SH3RF1: variants seen among roughly 807,000 people sequenced by gnomAD.
The protein encoded by SH3RF1 is E3 ubiquitin-protein ligase SH3RF1.
SH3RF1 carries 32 observed loss-of-function variants against 74.0 expected under a neutral mutation model. The observed-to-expected ratio is 0.43, with a 90% confidence interval of 0.33 to 0.58. The LOEUF is 0.58. Among genes scored for constraint, SH3RF1 ranks in the 20% least tolerant of loss-of-function variants. SH3RF1 has a pLI of 0.05. For missense variants in SH3RF1, 954 were observed against 1,130.9 expected, an observed-to-expected ratio of 0.84 and a Z score of 2.24; for synonymous variants, 396 against 439.6, an observed-to-expected ratio of 0.90 and a Z score of 1.24.
At chr4:169,112,895 T>C (rs900905087) in intron 10 of SH3RF1, among the ~76,000 whole-genome samples, 6 of 152,132 alleles carry the variant, frequency 3.9e-5, no homozygotes, top group African/African-American at 1.4e-4. Context: ...AAGGATAATC[T>C]TCAGACTGGA....
intron 2 of SH3RF1, among the ~76,000 whole-genome samples, chr4:169,218,293 T>C (rs966878072): frequency 2.3e-5 from 3 of 130,580 alleles, no homozygotes; most frequent in African/African-American, 5.4e-5. Context: ...ATATATAATA[T>C]ATAATATAAA....
intron 10 of SH3RF1, among the ~76,000 whole-genome samples, chr4:169,108,531 AAG>A (rs1285248790): frequency 2.0e-5 from 3 of 152,168 alleles, no homozygotes; most frequent in Non-Finnish European, 2.9e-5. Flanking sequence ...TAGAAATGGG[AAG>A]AGAGGGTGGG....
intron 3 of SH3RF1, 91 bp from the exon 4 acceptor site, chr4:169,155,666 T>C (rs1339264855): frequency 1.1e-6 from 1 of 911,122 alleles, no homozygotes; most frequent in Admixed American, 1.9e-5. Context: ...AAGAGACTCA[T>C]GTTTTAAAGA....
intron 5 of SH3RF1, among the ~76,000 whole-genome samples, chr4:169,133,793 A>G (rs1561032712): frequency 1.3e-5 from 2 of 152,154 alleles, no homozygotes; most frequent in African/African-American, 4.8e-5. Flanking sequence ...AGAAAAGAAA[A>G]GGAAAGGAAA....
intron 5 of SH3RF1, among the ~76,000 whole-genome samples, chr4:169,133,587 G>C (rs1733651275): frequency 6.6e-6 from 1 of 151,766 alleles, no homozygotes; most frequent in South Asian, 2.1e-4. Context: ...AGACCAGCCT[G>C]GCCAACATGG....
At chr4:169,115,540 GGACCATCTAGTT>G (rs1254542317) in intron 10 of SH3RF1, among the ~76,000 whole-genome samples, 1 of 152,024 alleles carries the variant, frequency 6.6e-6, no homozygotes, top group Non-Finnish European at 1.5e-5. Flanking sequence ...TGCCCAGGTG[GGACCATCTAGTT>G]GCAAGAAAAC....
intron 2 of SH3RF1, among the ~76,000 whole-genome samples, chr4:169,267,090 T>C (rs1487858643): frequency 6.6e-6 from 1 of 152,224 alleles, no homozygotes; most frequent in Non-Finnish European, 1.5e-5. Context: ...AATTTACCTA[T>C]GAAGTTCAAT....
At chr4:169,177,876 G>A (rs931737500) in intron 2 of SH3RF1, among the ~76,000 whole-genome samples, 1 of 151,810 alleles carries the variant, frequency 6.6e-6, no homozygotes. Context: ...ATATGCTCAC[G>A]TTATACATAC....
intron 8 of SH3RF1, among the ~76,000 whole-genome samples, 157 bp from the exon 9 acceptor site, chr4:169,117,939 C>T (rs371944259): frequency 2.0e-5 from 3 of 152,182 alleles, no homozygotes; most frequent in South Asian, 4.2e-4. Context: ...GAAAATTCAA[C>T]GTAATGATGG....
chr4:169,146,533 T>C (rs1733897957), intron 4 of SH3RF1, among the ~76,000 whole-genome samples: 1 of 152,026 alleles, frequency 6.6e-6, no homozygotes, highest in South Asian at 2.1e-4. Context: ...GCCTAAAAAA[T>C]ATATTTTTAA....
At chr4:169,099,170 G>A (rs965232512) in intron 11 of SH3RF1, among the ~76,000 whole-genome samples, 5 of 152,162 alleles carry the variant, frequency 3.3e-5, no homozygotes, top group African/African-American at 1.2e-4. Flanking sequence ...ACAGCTCACT[G>A]TAGCCTTGAC....
At chr4:169,206,392 G>A (rs1399043090) in intron 2 of SH3RF1, among the ~76,000 whole-genome samples, 1 of 152,172 alleles carries the variant, frequency 6.6e-6, no homozygotes, top group Non-Finnish European at 1.5e-5. Context: ...AAGGGGCTGG[G>A]GGAAGGGGGG....
chr4:169,145,787 T>C (rs1489411667), intron 4 of SH3RF1, among the ~76,000 whole-genome samples: 2 of 132,644 alleles, frequency 1.5e-5, no homozygotes, highest in African/African-American at 5.6e-5. Flanking sequence ...ATATTCTATA[T>C]ATTATTCTAT....
At position 169,136,919 on chromosome 4, in the gene SH3RF1, A is replaced by G. The variant is rs184297549; in HGVS notation, c.766-299T>C. Among the ~76,000 whole-genome samples the G allele has an allele frequency of 1.1e-4, 16 of 152,314 alleles. No individual in the cohort carries two copies. The East Asian group carries it at 3.1e-3, about 29-fold the overall frequency. ...CTGATTTTAAAACTTGCCAATAACA[A>G]ATGAAAATTTATTTCAGCTCACTGT... On this transcript the variant is annotated intron_variant, in intron 4 of 11. Coordinates refer to ENST00000284637, the MANE Select transcript of SH3RF1 (RefSeq NM_020870.4).
At chr4:169,160,111 T>C (rs1457010662) in intron 2 of SH3RF1, among the ~76,000 whole-genome samples, 6 of 152,330 alleles carry the variant, frequency 3.9e-5, no homozygotes, top group Middle Eastern at 3.4e-3. Context: ...GGCCTGTTTT[T>C]TTCCCTACCT....
At chr4:169,185,799 G>A (rs1734593311) in intron 2 of SH3RF1, among the ~76,000 whole-genome samples, 1 of 152,024 alleles carries the variant, frequency 6.6e-6, no homozygotes, top group Non-Finnish European at 1.5e-5. Context: ...ATGAAGGAGA[G>A]GGAAATTTTC....
At chr4:169,221,311 T>C (rs1730560486) in intron 2 of SH3RF1, among the ~76,000 whole-genome samples, 2 of 148,484 alleles carry the variant, frequency 1.3e-5, no homozygotes, top group African/African-American at 4.9e-5. Context: ...CATCTGAATG[T>C]AAAAAAAAAA....
At position 169,269,294 on chromosome 4, in the gene SH3RF1, T is replaced by C; in HGVS notation, c.-82A>G. On this transcript the variant is annotated 5_prime_UTR_variant, in exon 2 of 12. The change abolishes an upstream ATG in the 5' untranslated region. Coordinates refer to ENST00000284637, the MANE Select transcript of SH3RF1 (RefSeq NM_020870.4). ...CTTAAAATGACTCATGTAACATCCA[T>C]TTCAGACTTTGCTCTAGAGTCATGG... 7.0e-7 allele frequency: 1 copy of C among 1,420,380 alleles called. No homozygotes were observed. The highest frequency in any genetic ancestry group is 9.4e-7 in the Non-Finnish European group (1 of 1,068,168). 88.0% of individuals were successfully genotyped at this position (1,420,380 alleles called of 1,614,324 possible).
chr4:169,262,335 A>G (rs1731293136), intron 2 of SH3RF1, among the ~76,000 whole-genome samples: 1 of 152,218 alleles, frequency 6.6e-6, no homozygotes, highest in African/African-American at 2.4e-5. Flanking sequence ...ATGCTTTTAC[A>G]TACATTTTGA....
Sources: allele counts gnomAD v4.1 joint callset (sites outside exome capture counted in the v4.1 genomes callset), GRCh38; gene constraint gnomAD v4.1.1; transcripts MANE v1.5; gene names NCBI Gene and HGNC (gene_info 2026-07-23, HGNC 2026-07-21).